The following SEC16B variants were observed in gnomAD, a reference collection of about 807,000 sequenced individuals.
SEC16B encodes the protein protein transport protein Sec16B.
SEC16B carries 115 observed loss-of-function variants against 141.8 expected under a neutral mutation model. The observed-to-expected ratio is 0.81, with a 90% CI of 0.70 to 0.95. The LOEUF is 0.95. SEC16B is among the 40% of genes least tolerant of loss of function. The pLI is 0.00. For synonymous variants in SEC16B, 493 were observed against 492.5 expected (o/e 1.00, Z -0.01); for missense variants, 1,291 against 1,312.3 (o/e 0.98, Z 0.25).
chr1:177,965,871 C>T, intron 3 of SEC16B, 22 bp downstream of exon 3: 2 of 1,469,874 alleles, frequency 1.4e-6, no homozygotes, highest in East Asian at 2.4e-5. Flanking sequence ...ATCCCAGAGG[C>T]TTCTTGGAGA....
intron 10 of SEC16B, among the ~76,000 whole-genome samples, chr1:177,956,556 T>C (rs993092756): frequency 6.6e-6 from 1 of 152,082 alleles, no homozygotes; most frequent in Non-Finnish European, 1.5e-5. Flanking sequence ...TTTTTATATT[T>C]TAATTTTTGA....
intron 12 of SEC16B, chr1:177,948,696 C>A: frequency 1.6e-6 from 2 of 1,240,314 alleles, no homozygotes; most frequent in Non-Finnish European, 2.1e-6. Flanking sequence ...AATATAATGT[C>A]ATGGAAACAA....
chr1:177,968,548 G>T (rs1330717959), intron 1 of SEC16B, among the ~76,000 whole-genome samples: 1 of 152,142 alleles, frequency 6.6e-6, no homozygotes, highest in Non-Finnish European at 1.5e-5. Flanking sequence ...ACCTTGCAAG[G>T]TTATTGACAG....
At chr1:177,960,489 C>T (rs530050872) in intron 7 of SEC16B, 86 bp from the exon 8 acceptor site, 77 of 966,584 alleles carry the variant, frequency 8.0e-5, no homozygotes, top group African/African-American at 3.7e-4. Flanking sequence ...ACCCCAAGGC[C>T]GTGGGGCTAG....
Position 177,929,724 on chromosome 1 carries a change from G to A in SEC16B, c.*134C>T. On this transcript the variant is annotated 3_prime_UTR_variant, in exon 26 of 26. Coordinates refer to ENST00000308284, the MANE Select transcript of SEC16B (RefSeq NM_033127.4). ...GAGATCCTGTCCTCTTGCCTTCTAAGTGCCCGGTGGAGGCATCGGGCTAGC... is the reference window on the plus strand; with the variant it reads ...GAGATCCTGTCCTCTTGCCTTCTAAATGCCCGGTGGAGGCATCGGGCTAGC... 1 of 830,992 alleles carries A rather than the reference G, an allele frequency of 1.2e-6. No homozygotes were observed. Among genetic ancestry groups the A allele is most frequent in the Admixed American group, 2.2e-5 (1 of 45,290 alleles). 51.5% of individuals were successfully genotyped at this position (830,992 alleles called of 1,614,324 possible). A position where few individuals can be genotyped will look rare whatever the true frequency, so the allele number is the denominator to read the frequency against.
In SEC16B at chr1:177,942,015, C is replaced by T. The variant is rs149895580; in HGVS notation, c.1907G>A (p.Arg636His). 2.2e-4 allele frequency: 348 copies of T among 1,613,792 alleles called. No homozygotes were observed. The Middle Eastern group carries it at 3.6e-3, about 17-fold the overall frequency. The change falls in exon 16 of 26, where the codon CGT (arginine) becomes CAT (histidine). Residue 636 changes from arginine (R) to histidine (H), a missense_variant. Transcript: ENST00000308284. ...GGACACGAGGCCATAATCTGCCAGA[C>T]GGGAAGCATAAAGGAGCTTATACAC... ...FQVYKLLYAS[R>H]LADYGLVSQA... is the part of the protein sequence containing the mutation.
At chr1:177,953,957 G>A (rs1467343665) in intron 11 of SEC16B, among the ~76,000 whole-genome samples, 2 of 152,030 alleles carry the variant, frequency 1.3e-5, no homozygotes, top group Non-Finnish European at 2.9e-5. Context: ...GGAAGTGATC[G>A]CTACCCCTCA....
At chr1:177,961,261 C>T in intron 6 of SEC16B, 5 of 435,756 alleles carry the variant, frequency 1.1e-5, no homozygotes, top group Non-Finnish European at 1.6e-5. Context: ...GTTCCTACAT[C>T]CAGACAAAGC....
In SEC16B at chr1:177,933,498, TC is replaced by T; in HGVS notation, c.2709del (p.Lys904ArgfsTer55). 5.0e-6 allele frequency: 8 copies of T among 1,613,280 alleles called. No individual in the cohort carries two copies. The highest frequency in any genetic ancestry group is 6.8e-6 in the Non-Finnish European group (8 of 1,179,636). On this transcript the variant is annotated frameshift_variant, in exon 21 of 26. Coordinates refer to ENST00000308284, the MANE Select transcript of SEC16B (RefSeq NM_033127.4). LOFTEE classifies it high-confidence loss of function. ...AGTCCCTCCACCTTTGTATGCTCCT[TC>T]CCATCTCCGAGCTTGCCTCTCTGGG... ...NTAQRGKLGD[G>X]KEHTKSSGFG...
At chr1:177,959,673 G>C (rs1030387166) in intron 8 of SEC16B, 1 of 154,292 alleles carries the variant, frequency 6.5e-6, no homozygotes, top group African/African-American at 2.4e-5. Flanking sequence ...GACAAGCCTC[G>C]GGTAGGGAGA....
At chr1:177,947,971 C>A (rs1288270476) in intron 12 of SEC16B, 29 bp from the exon 13 acceptor site, 2 of 1,466,870 alleles carry the variant, frequency 1.4e-6, no homozygotes, top group Admixed American at 3.9e-5. Flanking sequence ...AATAAATGTA[C>A]AATCATTTAA....
At chr1:177,964,961 T>C (rs1653394149) in intron 4 of SEC16B, 86 bp downstream of exon 4, 11 of 1,479,374 alleles carry the variant, frequency 7.4e-6, no homozygotes, top group Non-Finnish European at 3.7e-6. Context: ...GGAGGTGAGA[T>C]GGCAGCATCA....
chr1:177,981,118 A>G (rs1654393912), intron 1 of SEC16B, among the ~76,000 whole-genome samples: 1 of 152,098 alleles, frequency 6.6e-6, no homozygotes, highest in East Asian at 1.9e-4. Context: ...CATAGCAGTT[A>G]TATGATAAAA....
At position 177,936,282 on chromosome 1, in the gene SEC16B, T is replaced by C. The variant is rs761886995; in HGVS notation, c.2571+16A>G. ...TTTGAGTGGGCAGTGGCATCTTTTATGCTGTGCGCTCTCACCTGTGGTTTG... is the reference window on the plus strand; with the variant it reads ...TTTGAGTGGGCAGTGGCATCTTTTACGCTGTGCGCTCTCACCTGTGGTTTG... On this transcript the variant is annotated intron_variant, in intron 20 of 25. Transcript: ENST00000308284. 18 of 1,602,812 alleles carry C rather than the reference T, an allele frequency of 1.1e-5. No individual in the cohort carries two copies. Among genetic ancestry groups the C allele is most frequent in the African/African-American group, 2.7e-5 (2 of 74,802 alleles).
chr1:177,964,951 G>T, intron 4 of SEC16B, 96 bp downstream of exon 4: 2 of 1,422,696 alleles, frequency 1.4e-6, no homozygotes, highest in East Asian at 4.8e-5. Context: ...ATGGGCTTCT[G>T]GAGGTGAGAT....
At chr1:177,955,011 C>A (rs6693389) in intron 10 of SEC16B, among the ~76,000 whole-genome samples, 31,872 of 151,856 alleles carry the variant, frequency 0.21, 3,468 homozygotes, top group Non-Finnish European at 0.24. Context: ...CTAAATATGA[C>A]CCCCAGAAAC....
chr1:177,962,214 C>T (rs557238492), intron 5 of SEC16B, among the ~76,000 whole-genome samples: 6 of 152,004 alleles, frequency 3.9e-5, no homozygotes, highest in Non-Finnish European at 8.8e-5. Flanking sequence ...GCTAGGACTA[C>T]AGGCACGCCA....
At chr1:177,954,838 A>C (rs1484561009) in intron 10 of SEC16B, among the ~76,000 whole-genome samples, 1 of 152,238 alleles carries the variant, frequency 6.6e-6, no homozygotes, top group Non-Finnish European at 1.5e-5. Flanking sequence ...ATATATACAT[A>C]TATATCATGT....
chr1:177,967,911 T>A lies in SEC16B; in HGVS notation c.71A>T (p.Asp24Val). Reference protein sequence around the residue: ...GKATAPSKDPDRGFRRDGHHR... With the variant: ...GKATAPSKDPVRGFRRDGHHR... The stretch of plus-strand genomic sequence containing the variant: ...ATGTCCATCTCTCCGAAACCCTCGG[T>A]CTGGATCCTTTGAGGGTGCTGTGGC... The change falls in exon 2 of 26, where the codon GAC becomes GTC. Residue 24 changes from aspartate (D) to valine (V), a missense_variant. Asp to Val is a radical substitution (Grantham distance 152, BLOSUM62 -3). Coordinates refer to ENST00000308284, the MANE Select transcript of SEC16B (RefSeq NM_033127.4). 6.2e-7 allele frequency: 1 copy of A among 1,614,002 alleles called. No homozygotes were observed. The highest frequency in any genetic ancestry group is 2.2e-5 in the East Asian group (1 of 44,876).
Sources: allele counts gnomAD v4.1 joint callset (sites outside exome capture counted in the v4.1 genomes callset), GRCh38; gene constraint gnomAD v4.1.1; transcripts MANE v1.5; gene names NCBI Gene and HGNC (gene_info 2026-07-23, HGNC 2026-07-21).